KLHL13: variants seen among roughly 807,000 people sequenced by gnomAD.
KLHL13 encodes kelch-like protein 13.
A neutral mutation model predicts 37.1 loss-of-function variants in KLHL13; 10 were observed. The observed-to-expected ratio is 0.27, with a 90% CI of 0.17 to 0.46. The LOEUF (loss-of-function observed/expected upper bound fraction) is 0.46, where lower values mean the gene tolerates loss of function less well. Among genes scored for constraint, KLHL13 ranks in the 20% least tolerant of loss-of-function variants. The pLI is 1.00. For missense variants in KLHL13, 360 were observed against 509.3 expected (o/e 0.71, Z 2.82); for synonymous variants, 163 against 181.2 (o/e 0.90, Z 0.81).
At chrX:117,985,650 C>T (rs1039078332) in intron 1 of KLHL13, among the ~76,000 whole-genome samples, 26 of 110,289 alleles carry the variant, frequency 2.4e-4, no homozygotes, top group Non-Finnish European at 3.0e-4. Flanking sequence ...GAGACAAATA[C>T]TAACACCAGG....
chrX:117,930,688 A>C (rs777606214), intron 2 of KLHL13, among the ~76,000 whole-genome samples: 9 of 111,652 alleles, frequency 8.1e-5, no homozygotes, highest in African/African-American at 2.9e-4. Flanking sequence ...CTTTTATCCT[A>C]AAGATGCACA....
At chrX:118,008,851 T>C (rs2465938) in intron 1 of KLHL13, among the ~76,000 whole-genome samples, 3,184 of 111,520 alleles carry the variant, frequency 0.029, 128 homozygotes, top group African/African-American at 0.097. Context: ...GTTTGTAAAA[T>C]GGGAATAATA....
At chrX:117,971,262 T>C (rs762754143) in intron 1 of KLHL13, among the ~76,000 whole-genome samples, 5 of 111,422 alleles carry the variant, frequency 4.5e-5, no homozygotes, top group Non-Finnish European at 9.4e-5. Flanking sequence ...TGTAACCTGA[T>C]TTTAGTGAGG....
intron 4 of KLHL13, among the ~76,000 whole-genome samples, chrX:117,917,435 T>C (rs1466029478): frequency 2.1e-4 from 23 of 111,174 alleles, no homozygotes. Flanking sequence ...ATGAACATGA[T>C]ATTTAAGGCA....
intron 1 of KLHL13, among the ~76,000 whole-genome samples, chrX:118,053,746 A>C: frequency 9.6e-6 from 1 of 103,898 alleles, no homozygotes; most frequent in Non-Finnish European, 2.0e-5. Context: ...AAGCATAAGA[A>C]AAGATGTCCA....
At chrX:117,999,361 C>G (rs1182463247) in intron 1 of KLHL13, among the ~76,000 whole-genome samples, 2 of 111,097 alleles carry the variant, frequency 1.8e-5, no homozygotes, top group Non-Finnish European at 3.8e-5. Flanking sequence ...TACTATGCAG[C>G]CATAAAAAAG....
At chrX:118,014,122 C>G (rs992508124) in intron 1 of KLHL13, among the ~76,000 whole-genome samples, 4 of 111,965 alleles carry the variant, frequency 3.6e-5, no homozygotes, top group African/African-American at 1.3e-4. Flanking sequence ...GGAAGATAAC[C>G]ATGAGGCCTG....
intron 1 of KLHL13, among the ~76,000 whole-genome samples, chrX:118,085,031 T>TAAC (rs1323216217): frequency 9.2e-6 from 1 of 108,813 alleles, no homozygotes; most frequent in Non-Finnish European, 1.9e-5. Flanking sequence ...TAAAAAATAA[T>TAAC]AATAATAATA....
chrX:118,105,166 C>G (rs2055332997), intron 1 of KLHL13, among the ~76,000 whole-genome samples: 1 of 112,585 alleles, frequency 8.9e-6, no homozygotes, highest in African/African-American at 3.2e-5. Context: ...ATAAGACCTC[C>G]TTTAAAAGTG....
rs12836810 is a variant in KLHL13, at chrX:118,113,183, A to G, written c.-56+3325T>C. On this transcript the variant is annotated intron_variant, in intron 1 of 6. Transcript: ENST00000371882. The stretch of plus-strand genomic sequence containing the variant: ...AGGGTTCCCATTCCCCCATCCCCTT[A>G]CCTAAACAGAGTAGAGGAACCGAAT... Among the ~76,000 whole-genome samples, 662 of 111,794 alleles carry G rather than the reference A, an allele frequency of 5.9e-3. 8 individuals are homozygous for G. The highest frequency in any genetic ancestry group is 0.02 in the African/African-American group (609 of 30,805).
At chrX:118,070,085 A>C (rs777022565) in intron 1 of KLHL13, among the ~76,000 whole-genome samples, 9 of 112,553 alleles carry the variant, frequency 8.0e-5, no homozygotes, top group Non-Finnish European at 1.1e-4. Context: ...GTAGCCTGTG[A>C]GCAACAGGCT....
chrX:118,054,436 G>GA (rs926340903), intron 1 of KLHL13, among the ~76,000 whole-genome samples: 5 of 108,836 alleles, frequency 4.6e-5, no homozygotes, highest in South Asian at 3.9e-4. Flanking sequence ...TATAGTAAAA[G>GA]AAAAAAAAAC....
chrX:118,042,870 G>A (rs2054519379), intron 1 of KLHL13, among the ~76,000 whole-genome samples: 1 of 105,611 alleles, frequency 9.5e-6, no homozygotes. Flanking sequence ...AAACTTAGTA[G>A]AAGAAAAGAA....
chrX:118,079,325 CA>C (rs1242563357), intron 1 of KLHL13, among the ~76,000 whole-genome samples: 3 of 109,888 alleles, frequency 2.7e-5, no homozygotes, highest in Non-Finnish European at 3.8e-5. Flanking sequence ...AAAAGGTAAC[CA>C]AATAGGAAAA....
chrX:117,953,244 T>G (rs1323855283), intron 1 of KLHL13, among the ~76,000 whole-genome samples: 6 of 111,293 alleles, frequency 5.4e-5, no homozygotes, highest in Non-Finnish European at 9.4e-5. Context: ...GATGAGTTCA[T>G]GTCCTTTGTA....
chrX:117,975,271 C>A (rs181137338), upstream of KLHL13, among the ~76,000 whole-genome samples: 1 of 111,312 alleles, frequency 9.0e-6, no homozygotes, highest in South Asian at 3.8e-4. Context: ...AACAAATTTT[C>A]AAAACCCGAA....
intron 1 of KLHL13, 86 bp from the exon 3 acceptor site, chrX:117,945,661 T>C: frequency 1.3e-6 from 1 of 798,735 alleles, no homozygotes; most frequent in Non-Finnish European, 1.8e-6. Context: ...AATCAGTCAC[T>C]ATTGCAATCA....
chrX:117,992,596 CT>C (rs372885384), intron 1 of KLHL13, among the ~76,000 whole-genome samples: 5,691 of 102,809 alleles, frequency 0.055, 393 homozygotes, highest in African/African-American at 0.18. Flanking sequence ...TAAGGCTGGG[CT>C]TTTTTTTTTT....
chrX:117,952,091 G>A (rs894434600), intron 1 of KLHL13, among the ~76,000 whole-genome samples: 13 of 111,287 alleles, frequency 1.2e-4, no homozygotes, highest in African/African-American at 3.6e-4. Flanking sequence ...AGCCCGCATC[G>A]CCAAGTCAAT....
Sources: gnomAD v4.1 joint callset for allele counts (sites outside exome capture counted in the v4.1 genomes callset) on GRCh38, gnomAD v4.1.1 for gene constraint, MANE v1.5 for transcripts, NCBI Gene and HGNC (gene_info 2026-07-23, HGNC 2026-07-21) for gene names.